Variants in INTS6L observed in about 807,000 individuals in gnomAD.
INTS6L encodes integrator complex subunit 6-like.
In INTS6L, 18 loss-of-function variants were observed where a neutral mutation model predicts 64.7. The observed-to-expected ratio is 0.28, with a 90% CI of 0.19 to 0.41. The LOEUF (loss-of-function observed/expected upper bound fraction) is 0.41, where lower values mean the gene tolerates loss of function less well. Among genes scored for constraint, INTS6L ranks in the 10% least tolerant of loss-of-function variants. The probability of loss-of-function intolerance (pLI) is 1.00; values close to 1 mark genes in which losing one functional copy is unlikely to be tolerated. For missense variants in INTS6L, 533 were observed against 661.0 expected, an observed-to-expected ratio of 0.81 and a Z score of 2.12; for synonymous variants, 227 against 235.9, an observed-to-expected ratio of 0.96 and a Z score of 0.34.
chrX:135,555,076 A>G (rs1247373591), intron 8 of INTS6L, among the ~76,000 whole-genome samples: 1 of 108,932 alleles, frequency 9.2e-6, no homozygotes, highest in African/African-American at 3.3e-5. Flanking sequence ...TTTAGTAGAG[A>G]TGGGGTTTCA....
intron 2 of INTS6L, among the ~76,000 whole-genome samples, chrX:135,541,828 C>T (rs1259282266): frequency 8.9e-6 from 1 of 112,188 alleles, no homozygotes; most frequent in Non-Finnish European, 1.9e-5. Flanking sequence ...GGCAAATTAG[C>T]TGTCCTGAAT....
At chrX:135,574,126 G>C (rs2087162825) in intron 13 of INTS6L, 64 bp downstream of exon 13, 1 of 1,084,088 alleles carries the variant, frequency 9.2e-7, no homozygotes, top group Admixed American at 3.0e-5. Flanking sequence ...CTTACAGGAA[G>C]GTGTTTATTG....
intron 2 of INTS6L, among the ~76,000 whole-genome samples, chrX:135,539,668 T>C (rs2086149795): frequency 8.9e-6 from 1 of 112,250 alleles, no homozygotes; most frequent in African/African-American, 3.2e-5. Flanking sequence ...AGTTTAATCA[T>C]TTCTAGCTTT....
intron 13 of INTS6L, among the ~76,000 whole-genome samples, chrX:135,574,386 A>G (rs1305275555): frequency 1.8e-5 from 2 of 111,460 alleles, no homozygotes; most frequent in African/African-American, 6.5e-5. Flanking sequence ...TAGTTTGCCC[A>G]AGTTTAGCCA....
intron 8 of INTS6L, among the ~76,000 whole-genome samples, chrX:135,555,131 C>T (rs890736148): frequency 7.3e-5 from 8 of 110,185 alleles, no homozygotes; most frequent in South Asian, 3.8e-4. Context: ...TCAGGTGATC[C>T]GCCCGCCTCG....
At position 135,529,929 on chromosome X, in the gene INTS6L, G is replaced by C. The variant is rs781976244; in HGVS notation, c.189+8611G>C. ...TTATTATACTCTTTTTATAGATAAG[G>C]GAACCAGGGCCCAGAGAGGTTAAGT... On this transcript the variant is annotated intron_variant, in intron 2 of 17. Transcript: ENST00000639893. 1.7e-3 allele frequency among the ~76,000 whole-genome samples: 187 copies of C among 111,479 alleles called. 1 individual carries two copies. The highest frequency in any genetic ancestry group is 5.9e-3 in the African/African-American group (180 of 30,658).
chrX:135,563,633 G>GTGTGTATA (rs1556523326), intron 9 of INTS6L, among the ~76,000 whole-genome samples: 1 of 10,383 alleles, frequency 9.6e-5, no homozygotes, highest in African/African-American at 1.8e-4. Context: ...GTGTGTGTGT[G>GTGTGTATA]TATATATATA....
chrX:135,562,349 C>T (rs887100955), intron 9 of INTS6L, among the ~76,000 whole-genome samples: 3 of 112,152 alleles, frequency 2.7e-5, no homozygotes, highest in South Asian at 3.6e-4. Context: ...TGAATTCCAT[C>T]GTGGTCAGAG....
chrX:135,570,550 G>T lies in INTS6L; in HGVS notation c.1398+4G>T. Reference sequence around the variant, plus strand: ...CCTTAAAAAACTCAGCCAACAGGTAGTATTGGTAAAAACAAACAAACAAAA... The same window carrying T: ...CCTTAAAAAACTCAGCCAACAGGTATTATTGGTAAAAACAAACAAACAAAA... On this transcript the variant is annotated splice_donor_region_variant and intron_variant, in intron 11 of 17. Coordinates refer to ENST00000639893, the MANE Select transcript of INTS6L (RefSeq NM_001351601.3). 2 of 1,152,948 alleles carry T rather than the reference G, an allele frequency of 1.7e-6. No homozygotes were observed. Among genetic ancestry groups the T allele is most frequent in the Non-Finnish European group, 2.3e-6 (2 of 871,693 alleles).
intron 9 of INTS6L, among the ~76,000 whole-genome samples, chrX:135,563,680 T>TAG (rs2086858157): frequency 1.2e-5 from 1 of 83,399 alleles, no homozygotes. Flanking sequence ...GCTATATATA[T>TAG]AGCTAGGTAT....
chrX:135,570,275 C>G, intron 10 of INTS6L, 161 bp from the exon 11 acceptor site: 1 of 408,455 alleles, frequency 2.4e-6, no homozygotes, highest in Non-Finnish European at 3.9e-6. Flanking sequence ...CCTTACTTCT[C>G]TGCTATTTTC....
At chrX:135,551,710 T>A (rs946385120) in intron 7 of INTS6L, among the ~76,000 whole-genome samples, 6 of 112,019 alleles carry the variant, frequency 5.4e-5, no homozygotes, top group African/African-American at 1.9e-4. Context: ...TTCTTAAACA[T>A]ATTCAAAACA....
chrX:135,542,895 C>A (rs1022010727), intron 2 of INTS6L, among the ~76,000 whole-genome samples: 4 of 111,790 alleles, frequency 3.6e-5, no homozygotes, highest in African/African-American at 1.3e-4. Context: ...AAAGGACCCC[C>A]GCCCACCATT....
At position 135,581,528 on chromosome X, in the gene INTS6L, G is replaced by A; in HGVS notation, c.2589G>A (p.Arg863=). 2 of 1,193,208 alleles carry A rather than the reference G, an allele frequency of 1.7e-6. No individual in the cohort carries two copies. The highest frequency in any genetic ancestry group is 3.5e-5 in the African/African-American group (2 of 56,993). Reference sequence around the variant, plus strand: ...TCATAAAATTTCTCTTTATTTTCAGGTTTAAAAGACGAGTCCTAATTCAGT... The same window carrying A: ...TCATAAAATTTCTCTTTATTTTCAGATTTAAAAGACGAGTCCTAATTCAGT... ...FVEFTIKEAA[R]FKRRVLIQYL... is the part of the protein sequence containing the mutation. The change falls in exon 18 of 18, where the codon AGG becomes AGA. Residue 863 remains arginine, a splice_region_variant and synonymous_variant. Coordinates refer to ENST00000639893, the MANE Select transcript of INTS6L (RefSeq NM_001351601.3).
At chrX:135,530,339 C>T (rs1401851034) in intron 2 of INTS6L, among the ~76,000 whole-genome samples, 1 of 111,567 alleles carries the variant, frequency 9.0e-6, no homozygotes, top group Non-Finnish European at 1.9e-5. Context: ...TTGAGACTCT[C>T]AGTTGATGGA....
chrX:135,549,564 G>C (rs1230464022), intron 6 of INTS6L, 78 bp from the exon 7 acceptor site: 2 of 1,094,243 alleles, frequency 1.8e-6, no homozygotes, highest in Non-Finnish European at 2.4e-6. Flanking sequence ...TTTGCTTTCA[G>C]CTGGAAAATT....
chrX:135,547,731 A>T (rs2086392860), intron 6 of INTS6L, among the ~76,000 whole-genome samples: 1 of 112,115 alleles, frequency 8.9e-6, no homozygotes, highest in Non-Finnish European at 1.9e-5. Context: ...ATCCTACACT[A>T]GTATTTTCCC....
At chrX:135,575,973 A>C (rs1448549692) in intron 14 of INTS6L, among the ~76,000 whole-genome samples, 1 of 111,888 alleles carries the variant, frequency 8.9e-6, no homozygotes, top group African/African-American at 3.2e-5. Context: ...CGTCACCTAA[A>C]TCCTCAATTT....
At position 135,547,143 on chromosome X, in the gene INTS6L, C is replaced by T. The variant is rs1556515337; in HGVS notation, c.620C>T (p.Ser207Phe). 3 of 1,209,247 alleles carry T rather than the reference C, an allele frequency of 2.5e-6. No individual in the cohort carries two copies. Among genetic ancestry groups the T allele is most frequent in the Non-Finnish European group, 3.4e-6 (3 of 894,497 alleles). Residue 207 changes from serine (S) to phenylalanine (F), a missense_variant, in exon 6 of 18, where the codon TCC becomes TTC. By Grantham distance (155) the Ser-to-Phe change is radical. Coordinates refer to ENST00000639893, the MANE Select transcript of INTS6L (RefSeq NM_001351601.3). ...ATTTTTCCTTCTGGGATAGGTCGCT[C>T]CTACTGTGTGAGAACACAAAGAATG... ...TQMCEVTGGR[S>F]YCVRTQRMLN...
Sources: allele counts gnomAD v4.1 joint callset (sites outside exome capture counted in the v4.1 genomes callset), GRCh38; gene constraint gnomAD v4.1.1; transcripts MANE v1.5; gene names NCBI Gene and HGNC (gene_info 2026-07-23, HGNC 2026-07-21).